The following TPD52 variants were observed in gnomAD, a reference collection of about 807,000 sequenced individuals.
TPD52 encodes prostate and colon associated protein.
Under a neutral mutation model 31.3 loss-of-function variants are expected in TPD52, and 17 were observed. The observed-to-expected ratio is 0.54, with a 90% CI of 0.37 to 0.82. TPD52 has a LOEUF of 0.82. TPD52 is among the 40% of genes least tolerant of loss of function. The probability of loss-of-function intolerance (pLI) is 0.00; values close to 1 mark genes in which losing one functional copy is unlikely to be tolerated. For missense variants in TPD52, 212 were observed against 240.1 expected (o/e 0.88, Z 0.77); for synonymous variants, 83 against 89.6 (o/e 0.93, Z 0.42).
intron 1 of TPD52, among the ~76,000 whole-genome samples, chr8:80,135,667 A>G (rs921799941): frequency 6.6e-6 from 1 of 150,520 alleles, no homozygotes; most frequent in African/African-American, 2.5e-5. Flanking sequence ...ATGCTGCTAT[A>G]AAGACACATG....
At chr8:80,072,798 C>CACATATATATATATATATATAT (rs977939775) in intron 1 of TPD52, among the ~76,000 whole-genome samples, 93 of 141,054 alleles carry the variant, frequency 6.6e-4, no homozygotes, top group African/African-American at 2.6e-3. Flanking sequence ...CACACACACA[C>CACATATATATATATATATATAT]ATATATATAT....
At chr8:80,127,228 G>T (rs897732563) in intron 1 of TPD52, among the ~76,000 whole-genome samples, 1 of 152,114 alleles carries the variant, frequency 6.6e-6, no homozygotes, top group African/African-American at 2.4e-5. Context: ...TAAATGTAAA[G>T]AATCTTTTGA....
chr8:80,077,066 G>A (rs1259470829), intron 1 of TPD52, among the ~76,000 whole-genome samples: 1 of 152,026 alleles, frequency 6.6e-6, no homozygotes, highest in African/African-American at 2.4e-5. Flanking sequence ...CACGAGGTCA[G>A]GAGTTCAAGA....
intron 1 of TPD52, among the ~76,000 whole-genome samples, chr8:80,156,969 G>C (rs1174702008): frequency 1.3e-5 from 2 of 152,064 alleles, no homozygotes; most frequent in Non-Finnish European, 2.9e-5. Flanking sequence ...ATGGTAAAGG[G>C]AAGGCAACCA....
chr8:80,133,457 C>T (rs1490735042), intron 1 of TPD52, among the ~76,000 whole-genome samples: 1 of 152,206 alleles, frequency 6.6e-6, no homozygotes, highest in Non-Finnish European at 1.5e-5. Flanking sequence ...TTCTTCCCTC[C>T]AAAACCAGAT....
intron 1 of TPD52, among the ~76,000 whole-genome samples, chr8:80,162,366 T>C (rs973530146): frequency 2.0e-5 from 3 of 151,976 alleles, no homozygotes; most frequent in African/African-American, 4.8e-5. Flanking sequence ...CAGAGAACAA[T>C]GAGAAGGCAA....
intron 1 of TPD52, among the ~76,000 whole-genome samples, chr8:80,122,673 C>T (rs1808338364): frequency 6.6e-6 from 1 of 152,166 alleles, no homozygotes; most frequent in African/African-American, 2.4e-5. Flanking sequence ...AGAGATCAGT[C>T]CACTCTCCTC....
At chr8:80,155,488 G>C (rs375434806) in intron 1 of TPD52, among the ~76,000 whole-genome samples, 1 of 152,198 alleles carries the variant, frequency 6.6e-6, no homozygotes, top group Non-Finnish European at 1.5e-5. Context: ...CTCAGGGTTG[G>C]AATAGTCAGA....
At position 80,035,422 on chromosome 8, in the gene TPD52, T is replaced by C. The variant is rs187020756; in HGVS notation, c.*2694A>G. 4 of 152,354 alleles carry C rather than the reference T, an allele frequency of 2.6e-5. No individual in the cohort carries two copies. Among genetic ancestry groups the C allele is most frequent in the African/African-American group, 9.6e-5 (4 of 41,580 alleles). 9.4% of individuals were successfully genotyped at this position (152,354 alleles called of 1,614,324 possible). A position where few individuals can be genotyped will look rare whatever the true frequency, so the allele number is the denominator to read the frequency against. On this transcript the variant is annotated 3_prime_UTR_variant, in exon 8 of 8. Transcript: ENST00000518937. ...GCTGCTCATGGCTCTTTAAGTATCA[T>C]ATCCAGAATATGAAGGGTTTGGAGA...
chr8:80,120,334 C>A (rs1367109445), intron 1 of TPD52, among the ~76,000 whole-genome samples: 2 of 152,038 alleles, frequency 1.3e-5, no homozygotes, highest in South Asian at 2.1e-4. Context: ...ACTGAAACTG[C>A]AAAAATTAGC....
intron 1 of TPD52, among the ~76,000 whole-genome samples, chr8:80,075,274 G>A (rs1814405200): frequency 6.6e-6 from 1 of 152,210 alleles, no homozygotes; most frequent in Admixed American, 6.5e-5. Flanking sequence ...ACCACGCCTG[G>A]CCAATGTCTG....
chr8:80,171,369 CGAGT>C, intron 1 of TPD52, 52 bp downstream of exon 1: 1 of 587,202 alleles, frequency 1.7e-6, no homozygotes, highest in Non-Finnish European at 2.1e-6. Context: ...AGCCAAAGCC[CGAGT>C]CCAAGCCCGA....
chr8:80,064,570 G>GGACT lies in TPD52; in HGVS notation c.39_42dup (p.Pro15SerfsTer3). ...GCAGCAACATCTTCTCCTTCCTCAG[G>GGACT]GACTGGGTCTGTTCTCAGCAGACCT... On this transcript the variant is annotated frameshift_variant, in exon 2 of 8. Coordinates refer to ENST00000518937, the MANE Select transcript of TPD52 (RefSeq NM_001025253.3). LOFTEE classifies it high-confidence loss of function. 6.2e-7 allele frequency: 1 copy of GGACT among 1,613,958 alleles called. No homozygotes were observed.
chr8:80,032,398 C>T (rs1017084890), downstream of TPD52, among the ~76,000 whole-genome samples: 11 of 152,192 alleles, frequency 7.2e-5, no homozygotes, highest in Non-Finnish European at 1.5e-4. Flanking sequence ...GCTGTAACCA[C>T]TCCTTGCTTT....
At chr8:80,130,358 G>C (rs754795224) in intron 1 of TPD52, among the ~76,000 whole-genome samples, 1 of 152,138 alleles carries the variant, frequency 6.6e-6, no homozygotes, top group Non-Finnish European at 1.5e-5. Context: ...TCCTTCAGTG[G>C]TTTTAAGGAC....
rs567163055 is a variant in TPD52, at chr8:80,159,831, C to T, written c.19+11594G>A. 2.6e-5 allele frequency among the ~76,000 whole-genome samples: 4 copies of T among 152,184 alleles called. No individual in the cohort carries two copies. The South Asian group carries it at 6.2e-4, about 24-fold the overall frequency. On this transcript the variant is annotated intron_variant, in intron 1 of 7. Transcript: ENST00000518937. The stretch of plus-strand genomic sequence containing the variant: ...GTTACTTCCGATTCCAATTTTGTTT[C>T]AATTATTTGGAAAGAAAACATTTCT...
At chr8:80,112,305 C>T (rs979850707) in intron 1 of TPD52, among the ~76,000 whole-genome samples, 2 of 152,242 alleles carry the variant, frequency 1.3e-5, no homozygotes, top group Admixed American at 6.5e-5. Context: ...TTACAGATGG[C>T]GAAACTGAGG....
At chr8:80,050,357 G>A (rs533101022) in intron 5 of TPD52, 88 bp downstream of exon 5, 1 of 1,319,344 alleles carries the variant, frequency 7.6e-7, no homozygotes, top group Non-Finnish European at 1.0e-6. Context: ...GGACAAACAC[G>A]ATCATCCAAC....
chr8:80,112,567 G>A (rs991588235), intron 1 of TPD52, among the ~76,000 whole-genome samples: 14 of 152,100 alleles, frequency 9.2e-5, no homozygotes, highest in African/African-American at 2.9e-4. Context: ...TTTAGAAATC[G>A]TATCTCGCAA....
Sources: allele counts gnomAD v4.1 joint callset (sites outside exome capture counted in the v4.1 genomes callset), GRCh38; gene constraint gnomAD v4.1.1; transcripts MANE v1.5; gene names NCBI Gene and HGNC (gene_info 2026-07-23, HGNC 2026-07-21).